Variants in VSX2 observed in about 807,000 individuals in gnomAD.
The protein encoded by VSX2 is visual system homeobox 2, also known as ceh-10 homeo domain containing homolog.
Under a neutral mutation model 32.1 loss-of-function variants are expected in VSX2, and 28 were observed. The observed-to-expected ratio is 0.87, with a 90% confidence interval of 0.65 to 1.20. The LOEUF (loss-of-function observed/expected upper bound fraction) is 1.20. VSX2 is among the 50% of genes most tolerant of loss of function. VSX2 has a pLI of 0.00. For missense variants in VSX2, 506 were observed against 488.7 expected (o/e 1.04, Z -0.33); for synonymous variants, 243 against 214.1 (o/e 1.14, Z -1.18).
chr14:74,240,951 G>T (rs2079146059), intron 1 of VSX2, among the ~76,000 whole-genome samples: 1 of 152,126 alleles, frequency 6.6e-6, no homozygotes, highest in Non-Finnish European at 1.5e-5. Context: ...CGGGGCCTTT[G>T]CCTCTCTTAC....
chr14:74,245,034 G>T lies in VSX2; in HGVS notation c.456-131G>T, dbSNP rs542832358. The stretch of plus-strand genomic sequence containing the variant: ...AGAGAGAGAGAGAGAGAGAGAATTT[G>T]TGTCCTATTGTGCTGAGCCAGCCTG... On this transcript the variant is annotated intron_variant, in intron 2 of 4. Coordinates refer to ENST00000261980, the MANE Select transcript of VSX2 (RefSeq NM_182894.3). 223 of 978,826 alleles carry T rather than the reference G, an allele frequency of 2.3e-4. No homozygotes were observed. In the African/African-American group the frequency reaches 2.9e-3, roughly 13 times the overall value. 60.6% of individuals were successfully genotyped at this position (978,826 alleles called of 1,614,324 possible). A position where few individuals can be genotyped will look rare whatever the true frequency, so the allele number is the denominator to read the frequency against.
At chr14:74,254,797 T>TTTTTTTTTTTTTTTTTTTTTTTTTTTTAA (rs59140763) in intron 3 of VSX2, among the ~76,000 whole-genome samples, 1 of 148,084 alleles carries the variant, frequency 6.8e-6, no homozygotes, top group East Asian at 2.1e-4. Flanking sequence ...TTTTTTTTTT[T>TTTTTTTTTTTTTTTTTTTTTTTTTTTTAA]GAGACGCAGT....
intron 3 of VSX2, among the ~76,000 whole-genome samples, chr14:74,257,118 T>C (rs889809357): frequency 1.3e-5 from 2 of 152,060 alleles, no homozygotes; most frequent in Non-Finnish European, 2.9e-5. Flanking sequence ...GTAACACAGC[T>C]AGTCGGGCAC....
At chr14:74,256,668 AC>A (rs1274414793) in intron 3 of VSX2, among the ~76,000 whole-genome samples, 1 of 115,008 alleles carries the variant, frequency 8.7e-6, no homozygotes, top group East Asian at 3.1e-4. Flanking sequence ...CGGGAGTCAT[AC>A]TTTTTTTTTT....
intron 2 of VSX2, among the ~76,000 whole-genome samples, chr14:74,244,915 T>TGAGAGAGAAAGAGAGAGAGAAA (rs1426281346): frequency 1.9e-5 from 1 of 53,094 alleles, no homozygotes; most frequent in African/African-American, 4.0e-5. Context: ...TGTGTGTGTG[T>TGAGAGAGAAAGAGAGAGAGAAA]GTGTGTGTGT....
intron 1 of VSX2, 144 bp from the exon 2 acceptor site, chr14:74,241,038 C>A: frequency 1.3e-6 from 1 of 784,152 alleles, no homozygotes; most frequent in Non-Finnish European, 2.2e-6. Context: ...ATGGGACGGC[C>A]ACCGGGGCGC....
chr14:74,260,828 G>A lies in VSX2; in HGVS notation c.995G>A (p.Arg332Gln), dbSNP rs919800880. ...GTVSGPDSLA[R>Q]STEKPEEEEA... ...GTGTCTGGGCCGGACAGCCTGGCCC[G>A]GAGTACCGAGAAGCCAGAGGAGGAG... The change falls in exon 5 of 5, where the codon CGG becomes CAG. Residue 332 changes from arginine (R) to glutamine (Q), a missense_variant. Coordinates refer to ENST00000261980, the MANE Select transcript of VSX2 (RefSeq NM_182894.3). 5 of 1,566,754 alleles carry A rather than the reference G, an allele frequency of 3.2e-6. No individual in the cohort carries two copies. Among genetic ancestry groups the A allele is most frequent in the Admixed American group, 1.9e-5 (1 of 52,786 alleles).
intron 2 of VSX2, among the ~76,000 whole-genome samples, chr14:74,242,985 C>A (rs2079161009): frequency 6.6e-6 from 1 of 152,202 alleles, no homozygotes; most frequent in Admixed American, 6.5e-5. Context: ...GGGGGCAGAA[C>A]AGCAACTCAC....
At chr14:74,250,975 G>C (rs558783105) in intron 3 of VSX2, among the ~76,000 whole-genome samples, 31 of 151,490 alleles carry the variant, frequency 2.0e-4, no homozygotes, top group Admixed American at 1.6e-3. Flanking sequence ...ATGCCCATGC[G>C]CTCCCCCGGC....
At chr14:74,251,035 C>A (rs939756378) in intron 3 of VSX2, among the ~76,000 whole-genome samples, 1 of 151,994 alleles carries the variant, frequency 6.6e-6, no homozygotes, top group Non-Finnish European at 1.5e-5. Flanking sequence ...ACATCTTCGG[C>A]AGGTCACAGT....
chr14:74,244,222 G>A (rs2079169114), intron 2 of VSX2, among the ~76,000 whole-genome samples: 1 of 152,196 alleles, frequency 6.6e-6, no homozygotes, highest in African/African-American at 2.4e-5. Flanking sequence ...TCTTAAAGCA[G>A]TTTATAACAC....
chr14:74,242,355 G>A (rs984288936), intron 2 of VSX2, among the ~76,000 whole-genome samples: 2 of 152,238 alleles, frequency 1.3e-5, no homozygotes, highest in Admixed American at 6.5e-5. Flanking sequence ...TTTGTTTTCA[G>A]CCTCTTTGCA....
At chr14:74,249,547 G>C (rs2079216475) in intron 3 of VSX2, among the ~76,000 whole-genome samples, 1 of 152,190 alleles carries the variant, frequency 6.6e-6, no homozygotes, top group Non-Finnish European at 1.5e-5. Context: ...TGGGATTACA[G>C]GTGTAAACCA....
At chr14:74,240,313 T>A (rs772988640) in intron 1 of VSX2, among the ~76,000 whole-genome samples, 6 of 152,050 alleles carry the variant, frequency 3.9e-5, no homozygotes, top group Admixed American at 6.5e-5. Context: ...TGGTGTAGGA[T>A]CCGCACTCCT....
intron 3 of VSX2, among the ~76,000 whole-genome samples, chr14:74,257,649 C>T (rs2139644380): frequency 6.6e-6 from 1 of 152,106 alleles, no homozygotes; most frequent in East Asian, 2.0e-4. Flanking sequence ...GACTCCGCGC[C>T]GCCGGGCGCT....
At position 74,254,830 on chromosome 14, in the gene VSX2, A is replaced by G. The variant is rs182125205; in HGVS notation, c.580-4772A>G. On this transcript the variant is annotated intron_variant, in intron 3 of 4. Coordinates refer to ENST00000261980, the MANE Select transcript of VSX2 (RefSeq NM_182894.3). ...AGTCTTGCTCTGTCGCCCAGGCTCG[A>G]GTGCAGTGGCATGATCTCGGCTCAC... 1.4e-3 allele frequency among the ~76,000 whole-genome samples: 182 copies of G among 126,866 alleles called. 4 individuals carry two copies. In the East Asian group the frequency reaches 0.048, roughly 33 times the overall value. The allele number at this position is 126,866 out of a possible 152,430, so 83.2% of individuals were successfully genotyped here. A position where few individuals can be genotyped will look rare whatever the true frequency, so the allele number is the denominator to read the frequency against.
chr14:74,260,520 A>G (rs2079297756), intron 4 of VSX2, 74 bp from the exon 5 acceptor site: 8 of 1,436,602 alleles, frequency 5.6e-6, no homozygotes, highest in African/African-American at 2.8e-5. Context: ...GCCTCTCTCT[A>G]TCTTTGCCGT....
Position 74,239,946 on chromosome 14 carries a change from G to A in VSX2, c.370+15G>A. The A allele has an allele frequency of 1.3e-6, 2 of 1,554,424 alleles. No individual in the cohort carries two copies. Among genetic ancestry groups the A allele is most frequent in the South Asian group, 2.4e-5 (2 of 84,508 alleles). On this transcript the variant is annotated intron_variant, in intron 1 of 4. Coordinates refer to ENST00000261980, the MANE Select transcript of VSX2 (RefSeq NM_182894.3). ...GGCCAGCTCGGGTAGGTGAGGAGAG[G>A]TTGCGCTGCTGCCTGACTGGGGGGC...
At chr14:74,241,084 C>A in intron 1 of VSX2, 98 bp from the exon 2 acceptor site, 1 of 1,296,146 alleles carries the variant, frequency 7.7e-7, no homozygotes, top group Non-Finnish European at 1.1e-6. Flanking sequence ...CAGGTCCCCG[C>A]CGCTCGCGGA....
Sources: gnomAD v4.1 joint callset for allele counts (sites outside exome capture counted in the v4.1 genomes callset) on GRCh38, gnomAD v4.1.1 for gene constraint, MANE v1.5 for transcripts, NCBI Gene and HGNC (gene_info 2026-07-23, HGNC 2026-07-21) for gene names.